Variants in PRR16 observed in about 807,000 individuals in gnomAD.
PRR16 encodes the protein protein Largen.
In PRR16, 6 loss-of-function variants were observed where a neutral mutation model predicts 18.2. The observed-to-expected ratio is 0.33, with a 90% CI of 0.18 to 0.65. The LOEUF is 0.65. Ranked by LOEUF, PRR16 falls within the 30% of genes least tolerant of loss-of-function variation. PRR16 has a pLI of 0.74. For missense variants in PRR16, 412 were observed against 376.6 expected (o/e 1.09, Z -0.78); for synonymous variants, 151 against 147.8 (o/e 1.02, Z -0.16).
chr5:120,635,800 A>G (rs9687722), intron 1 of PRR16, among the ~76,000 whole-genome samples: 65,401 of 151,886 alleles, frequency 0.43, 14,997 homozygotes, highest in East Asian at 0.86. Flanking sequence ...AAGAAAGGGC[A>G]CTCGAATCGG....
the PRR16 span, among the ~76,000 whole-genome samples, chr5:120,763,477 A>T: frequency 1.3e-5 from 2 of 152,128 alleles, no homozygotes; most frequent in Non-Finnish European, 2.9e-5. Context: ...ATATTTTCCA[A>T]GGTAAGGTAA....
At position 120,488,396 on chromosome 5, in the gene PRR16, A is replaced by G. The variant is rs568970522; in HGVS notation, c.159+23751A>G. Among the ~76,000 whole-genome samples, 15 of 152,224 alleles carry G rather than the reference A, an allele frequency of 9.9e-5. No individual in the cohort carries two copies. The South Asian group carries it at 2.9e-3, about 30-fold the overall frequency. On this transcript the variant is annotated intron_variant, in intron 1 of 1. Transcript: ENST00000407149. The stretch of plus-strand genomic sequence containing the variant: ...TCTTGGGAGGGTGTATGTGTCGAGG[A>G]ATTTATCTATTTCCTCTAGATTTTC...
chr5:120,708,587 G>A, the PRR16 span, among the ~76,000 whole-genome samples: 2 of 152,122 alleles, frequency 1.3e-5, no homozygotes, highest in Non-Finnish European at 2.9e-5. Context: ...GAAATAAAAG[G>A]GAAAGTGTAA....
chr5:120,593,033 A>G (rs1753687672), intron 1 of PRR16, among the ~76,000 whole-genome samples: 1 of 152,094 alleles, frequency 6.6e-6, no homozygotes, highest in African/African-American at 2.4e-5. Flanking sequence ...AGGGAAATTT[A>G]TAGTCCTAAA....
At chr5:120,701,853 C>T in the PRR16 span, among the ~76,000 whole-genome samples, 149,948 of 152,246 alleles carry the variant, frequency 0.98, 73,876 homozygotes, top group Non-Finnish European at 1. Context: ...TTGCCTATTT[C>T]ATGACAAGAA....
chr5:120,698,355 C>G, the PRR16 span, among the ~76,000 whole-genome samples: 3 of 151,964 alleles, frequency 2.0e-5, no homozygotes, highest in Non-Finnish European at 4.4e-5. Flanking sequence ...TATAAAAGGT[C>G]TAAGAATTGG....
At position 120,686,035 on chromosome 5, in the gene PRR16, A is replaced by G; in HGVS notation, c.241A>G (p.Asn81Asp). ...TGACAGCTCCAAAACGGACACGCTG[A>G]ATAGTAGCTCAAGTGGCACAACAGC... ...MTDSSKTDTLNSSSSGTTASS... is the reference protein window; with the variant it reads ...MTDSSKTDTLDSSSSGTTASS... Residue 81 changes from asparagine (N) to aspartate (D), a missense_variant, in exon 2 of 2, where the codon AAT becomes GAT. Transcript: ENST00000407149. The G allele has an allele frequency of 6.2e-7, 1 of 1,614,166 alleles. No individual in the cohort carries two copies. Among genetic ancestry groups the G allele is most frequent in the South Asian group, 1.1e-5 (1 of 91,082 alleles).
chr5:120,673,436 C>T (rs1756683545), intron 1 of PRR16, among the ~76,000 whole-genome samples: 1 of 152,176 alleles, frequency 6.6e-6, no homozygotes, highest in Non-Finnish European at 1.5e-5. Flanking sequence ...AGCACATAAA[C>T]ATCTTGTTTT....
At chr5:120,704,806 T>C in the PRR16 span, among the ~76,000 whole-genome samples, 1 of 152,214 alleles carries the variant, frequency 6.6e-6, no homozygotes, top group Non-Finnish European at 1.5e-5. Flanking sequence ...GTTATTATTT[T>C]ATCCTAATTG....
intron 1 of PRR16, among the ~76,000 whole-genome samples, chr5:120,593,722 T>C (rs538739972): frequency 6.6e-6 from 1 of 151,886 alleles, no homozygotes; most frequent in Non-Finnish European, 1.5e-5. Flanking sequence ...CAGGACAATA[T>C]CCTTGATGAA....
intron 1 of PRR16, among the ~76,000 whole-genome samples, chr5:120,524,785 C>A (rs1399011945): frequency 6.6e-6 from 1 of 151,908 alleles, no homozygotes; most frequent in Non-Finnish European, 1.5e-5. Context: ...GTCAAAATAT[C>A]TTATATACCC....
At chr5:120,761,617 C>T in the PRR16 span, among the ~76,000 whole-genome samples, 1 of 151,934 alleles carries the variant, frequency 6.6e-6, no homozygotes, top group South Asian at 2.1e-4. Context: ...AATATTTGTA[C>T]ATACTAATGT....
intron 1 of PRR16, among the ~76,000 whole-genome samples, chr5:120,519,410 G>C (rs1343404210): frequency 2.0e-5 from 3 of 152,108 alleles, no homozygotes; most frequent in African/African-American, 7.2e-5. Flanking sequence ...GAACTGATTA[G>C]AATTTGTGTT....
At chr5:120,548,985 A>ACG (rs3047954) in intron 1 of PRR16, among the ~76,000 whole-genome samples, 2 of 150,990 alleles carry the variant, frequency 1.3e-5, no homozygotes, top group African/African-American at 4.9e-5. Flanking sequence ...ACACACACAC[A>ACG]TGCACACTCA....
In PRR16 at chr5:120,623,225, A is replaced by G. The variant is rs975287607; in HGVS notation, c.160-62729A>G. ...AAACATATAAAAGGGGAAAGATTTT[A>G]TAATGGCAACAGTATCAAGAGACAA... On this transcript the variant is annotated intron_variant, in intron 1 of 1. Coordinates refer to ENST00000407149, the MANE Select transcript of PRR16 (RefSeq NM_001300783.2). 2.0e-5 allele frequency among the ~76,000 whole-genome samples: 3 copies of G among 152,192 alleles called. No homozygotes were observed. The South Asian group carries it at 6.2e-4, about 31-fold the overall frequency.
chr5:120,472,478 G>A (rs1041932091), intron 1 of PRR16, among the ~76,000 whole-genome samples: 1 of 152,008 alleles, frequency 6.6e-6, no homozygotes, highest in Non-Finnish European at 1.5e-5. Context: ...AAAAAAAGTT[G>A]GGATTATTTC....
At chr5:120,677,485 G>T (rs1200242660) in intron 1 of PRR16, among the ~76,000 whole-genome samples, 1 of 152,280 alleles carries the variant, frequency 6.6e-6, no homozygotes, top group South Asian at 2.1e-4. Flanking sequence ...TTCTTCTCTT[G>T]TTAGAAATTC....
chr5:120,488,559 C>T (rs1178528397), intron 1 of PRR16, among the ~76,000 whole-genome samples: 1 of 152,188 alleles, frequency 6.6e-6, no homozygotes, highest in East Asian at 1.9e-4. Context: ...ATTAGCCTTG[C>T]TAGCGGTCTA....
chr5:120,484,532 C>T (rs1433259597), intron 1 of PRR16, among the ~76,000 whole-genome samples: 1 of 142,124 alleles, frequency 7.0e-6, no homozygotes, highest in Non-Finnish European at 1.5e-5. Context: ...AATGTATGTA[C>T]AATATGTCAT....
Sources: allele counts gnomAD v4.1 joint callset (sites outside exome capture counted in the v4.1 genomes callset), GRCh38; gene constraint gnomAD v4.1.1; transcripts MANE v1.5; gene names NCBI Gene and HGNC (gene_info 2026-07-23, HGNC 2026-07-21).